CEP97: variants seen among roughly 807,000 people sequenced by gnomAD.
The protein encoded by CEP97 is centrosomal protein 97.
CEP97 carries 43 observed loss-of-function variants against 73.1 expected under a neutral mutation model. That is an observed-to-expected ratio of 0.59 (90% CI 0.46 to 0.76). The LOEUF is 0.76. CEP97 is among the 30% of genes least tolerant of loss of function. CEP97 has a pLI of 0.00. For synonymous variants in CEP97, 337 were observed against 370.0 expected (o/e 0.91, Z 1.02); for missense variants, 939 against 1,014.0 (o/e 0.93, Z 1.00).
rs1938000123 is a variant in CEP97, at chr3:101,728,957, C to G, written c.447+20C>G. On this transcript the variant is annotated intron_variant, in intron 4 of 10. Coordinates refer to ENST00000341893, the MANE Select transcript of CEP97 (RefSeq NM_024548.4). Reference sequence around the variant, plus strand: ...CTGAAAGTAAGTATGTTTTCTTTGTCATTTGTGAAGTTTTATAGCAAAATA... The same window carrying G: ...CTGAAAGTAAGTATGTTTTCTTTGTGATTTGTGAAGTTTTATAGCAAAATA... 1 of 1,343,454 alleles carries G rather than the reference C, an allele frequency of 7.4e-7. No homozygotes were observed. The highest frequency in any genetic ancestry group is 1.1e-6 in the Non-Finnish European group (1 of 939,122). 83.2% of individuals were successfully genotyped at this position (1,343,454 alleles called of 1,614,324 possible).
chr3:101,731,187 A>G (rs1020350609), intron 4 of CEP97, among the ~76,000 whole-genome samples: 1 of 141,050 alleles, frequency 7.1e-6, no homozygotes, highest in African/African-American at 2.6e-5. Context: ...TGGTTGTTTT[A>G]ATGACTTTTT....
chr3:101,766,472 A>G lies in CEP97; in HGVS notation c.*921A>G, dbSNP rs1055909387. On this transcript the variant is annotated 3_prime_UTR_variant, in exon 11 of 11. Coordinates refer to ENST00000341893, the MANE Select transcript of CEP97 (RefSeq NM_024548.4). Reference sequence around the variant, plus strand: ...AGAAGGTCCGTGGCCATTCACTTCAATTTTGACCTCTGTCCCATAGTGAAG... The same window carrying G: ...AGAAGGTCCGTGGCCATTCACTTCAGTTTTGACCTCTGTCCCATAGTGAAG... 6.6e-6 allele frequency: 1 copy of G among 152,550 alleles called. No individual in the cohort carries two copies. Among genetic ancestry groups the G allele is most frequent in the Non-Finnish European group, 1.5e-5 (1 of 68,012 alleles). The allele number at this position is 152,550 out of a possible 1,614,324, so 9.4% of individuals were successfully genotyped here.
Position 101,747,629 on chromosome 3 carries a change from T to A in CEP97, c.729-7801T>A, listed in dbSNP as rs528821513. On this transcript the variant is annotated intron_variant, in intron 6 of 10. Transcript: ENST00000341893. The stretch of plus-strand genomic sequence containing the variant: ...TGGAGTGCAGTGGTGCGATCTCGGC[T>A]CACTGCAACCTCTGCCTCCTTGGTT... Among the ~76,000 whole-genome samples the A allele has an allele frequency of 2.0e-5, 3 of 151,536 alleles. No homozygotes were observed. The Middle Eastern group carries it at 0.01, about 519-fold the overall frequency.
At chr3:101,757,531 T>A in intron 8 of CEP97, 103 bp from the exon 9 acceptor site, 1 of 1,110,174 alleles carries the variant, frequency 9.0e-7, no homozygotes, top group Non-Finnish European at 1.3e-6. Context: ...CTGAGGGGAT[T>A]TTTTTGCATT....
chr3:101,749,730 T>C (rs1449589822), intron 6 of CEP97, among the ~76,000 whole-genome samples: 2 of 147,858 alleles, frequency 1.4e-5, no homozygotes, highest in East Asian at 2.0e-4. Context: ...TTGATTTGCA[T>C]TTCTCTGATG....
In CEP97 at chr3:101,754,042, C is replaced by CT. The variant is rs35323976; in HGVS notation, c.729-1362dup. Reference sequence around the variant, plus strand: ...ACCGGAGCTGTTCCTATTTGGCCATCTTTTTTTTTTTTTTTTTTTTTTTTT... The same window carrying CT: ...ACCGGAGCTGTTCCTATTTGGCCATCTTTTTTTTTTTTTTTTTTTTTTTTTT... On this transcript the variant is annotated intron_variant, in intron 6 of 10. Transcript: ENST00000341893. 5.4e-3 allele frequency among the ~76,000 whole-genome samples: 404 copies of CT among 75,466 alleles called. 5 individuals are homozygous for CT. The highest frequency in any genetic ancestry group is 7.1e-3 in the Non-Finnish European group (305 of 42,882). 49.5% of individuals were successfully genotyped at this position (75,466 alleles called of 152,430 possible).
intron 9 of CEP97, chr3:101,759,168 G>C (rs960944007): frequency 1.3e-5 from 2 of 152,134 alleles, no homozygotes; most frequent in Non-Finnish European, 2.9e-5. Flanking sequence ...TTGCTAAAAG[G>C]ACTCACAGAA....
chr3:101,745,996 A>G (rs1242359740), intron 6 of CEP97, among the ~76,000 whole-genome samples: 2 of 152,124 alleles, frequency 1.3e-5, no homozygotes, highest in Admixed American at 6.6e-5. Flanking sequence ...ATGAGTGAGA[A>G]TATGCGGTGT....
In CEP97 at chr3:101,758,571, G is replaced by A. The variant is rs541110410; in HGVS notation, c.1817+148G>A. ...CTTTGGTTGTCTCCTACAGTGTACC[G>A]AAAGCATCTGGAGAGCAGACACTAT... On this transcript the variant is annotated intron_variant, in intron 9 of 10. Coordinates refer to ENST00000341893, the MANE Select transcript of CEP97 (RefSeq NM_024548.4). The A allele has an allele frequency of 4.1e-4, 385 of 931,406 alleles. 1 individual carries two copies. Among genetic ancestry groups the A allele is most frequent in the African/African-American group, 2.7e-3 (163 of 60,380 alleles). 57.7% of individuals were successfully genotyped at this position (931,406 alleles called of 1,614,324 possible).
intron 6 of CEP97, among the ~76,000 whole-genome samples, chr3:101,747,595 T>G (rs1938663306): frequency 2.2e-5 from 3 of 138,822 alleles, no homozygotes; most frequent in Non-Finnish European, 4.7e-5. Flanking sequence ...TCGCTCTTGT[T>G]GCCCAGGCTG....
intron 4 of CEP97, 84 bp from the exon 5 acceptor site, chr3:101,731,756 A>G (rs1938117083): frequency 2.7e-6 from 2 of 733,036 alleles, no homozygotes; most frequent in East Asian, 2.5e-5. Context: ...CTTTATTCTT[A>G]TATGTACCAT....
intron 3 of CEP97, among the ~76,000 whole-genome samples, chr3:101,728,241 A>G (rs1427000572): frequency 6.7e-6 from 1 of 149,542 alleles, no homozygotes; most frequent in Non-Finnish European, 1.5e-5. Flanking sequence ...ACTGTCATAT[A>G]TTATTACTAT....
chr3:101,753,955 G>T (rs1938930150), intron 6 of CEP97, among the ~76,000 whole-genome samples: 1 of 151,820 alleles, frequency 6.6e-6, no homozygotes, highest in South Asian at 2.1e-4. Flanking sequence ...GATGAACCCG[G>T]TACCTCAGAT....
In CEP97 at chr3:101,767,414, G is replaced by A. The variant is rs551142053; in HGVS notation, c.*1863G>A. On this transcript the variant is annotated 3_prime_UTR_variant, in exon 11 of 11. Transcript: ENST00000341893. ...ATATACCCTATTTTTCTATTTTAAA[G>A]TTAAGTGCCTCACTTGCTGTCCATA... is the stretch of plus-strand genomic sequence containing the variant. 1 of 152,102 alleles carries A rather than the reference G, an allele frequency of 6.6e-6. No individual in the cohort carries two copies. The highest frequency in any genetic ancestry group is 1.9e-4 in the East Asian group (1 of 5,188). 9.4% of individuals were successfully genotyped at this position (152,102 alleles called of 1,614,324 possible). A position where few individuals can be genotyped will look rare whatever the true frequency, so the allele number is the denominator to read the frequency against.
rs144481977 is a variant in CEP97 at position 101,741,490 on chromosome 3, A to G, written c.728+8836A>G. On this transcript the variant is annotated intron_variant, in intron 6 of 10. Transcript: ENST00000341893. Reference sequence around the variant, plus strand: ...TCAAAGTGAACAGGCAACCTACAGAATGGGAGAAAATTTTTGCAATCTATC... The same window carrying G: ...TCAAAGTGAACAGGCAACCTACAGAGTGGGAGAAAATTTTTGCAATCTATC... Among the ~76,000 whole-genome samples the G allele has an allele frequency of 6.6e-4, 101 of 152,338 alleles. No homozygotes were observed. In the East Asian group the frequency reaches 0.017, roughly 25 times the overall value.
chr3:101,738,483 A>G (rs948921976), intron 6 of CEP97, among the ~76,000 whole-genome samples: 1 of 152,154 alleles, frequency 6.6e-6, no homozygotes, highest in African/African-American at 2.4e-5. Context: ...AACAGAAATT[A>G]TAACAGTCTC....
intron 6 of CEP97, among the ~76,000 whole-genome samples, chr3:101,736,761 A>T (rs907496178): frequency 5.3e-5 from 8 of 152,262 alleles, no homozygotes; most frequent in Non-Finnish European, 7.3e-5. Flanking sequence ...AAAAAGGCTG[A>T]AAATTCCAAA....
Position 101,764,922 on chromosome 3 carries a change from T to C in CEP97, c.1969T>C (p.Ser657Pro). The change falls in exon 11 of 11, where the codon TCA becomes CCA. Residue 657 changes from serine (S) to proline (P), a missense_variant. Transcript: ENST00000341893. The part of the protein sequence containing the change: ...SSWHTDVPPI[S>P]STLVPSKHPL... ...CTGGCATACTGATGTTCCTCCTATA[T>C]CAAGTACTCTTGTGCCATCGAAACA... 6.2e-7 allele frequency: 1 copy of C among 1,614,192 alleles called. No individual in the cohort carries two copies. The highest frequency in any genetic ancestry group is 8.5e-7 in the Non-Finnish European group (1 of 1,180,030).
chr3:101,764,852 G>A lies in CEP97; in HGVS notation c.1899G>A (p.Arg633=), dbSNP rs769221416. 2 of 1,600,340 alleles carry A rather than the reference G, an allele frequency of 1.2e-6. No individual in the cohort carries two copies. Among genetic ancestry groups the A allele is most frequent in the East Asian group, 2.2e-5 (1 of 44,830 alleles). ...CTGTATTCTCTGGTTTATAGGTAAG[G>A]TCTCTACAGGTTTGGCAACAGACAG... ...EAFRFLWNQV[R]SLQVWQQTVD... The change falls in exon 11 of 11, where the codon AGG becomes AGA. Residue 633 remains arginine, a synonymous_variant. Coordinates refer to ENST00000341893, the MANE Select transcript of CEP97 (RefSeq NM_024548.4).
Sources: gnomAD v4.1 joint callset for allele counts (sites outside exome capture counted in the v4.1 genomes callset) on GRCh38, gnomAD v4.1.1 for gene constraint, MANE v1.5 for transcripts, NCBI Gene and HGNC (gene_info 2026-07-23, HGNC 2026-07-21) for gene names.